The following IFI27L1 variants were observed in gnomAD, a reference collection of about 807,000 sequenced individuals.
IFI27L1 encodes the protein interferon alpha inducible protein 27 like 1.
IFI27L1 carries 3 observed loss-of-function variants against 9.2 expected under a neutral mutation model. That is an observed-to-expected ratio of 0.32 (90% CI 0.15 to 0.84). IFI27L1 has a LOEUF of 0.84. IFI27L1 is among the 40% of genes least tolerant of loss of function. IFI27L1 has a pLI of 0.56. For synonymous variants in IFI27L1, 53 were observed against 50.0 expected, an observed-to-expected ratio of 1.06 and a Z score of -0.26; for missense variants, 133 against 134.2, an observed-to-expected ratio of 0.99 and a Z score of 0.05.
intron 1 of IFI27L1, among the ~76,000 whole-genome samples, chr14:94,086,222 C>T (rs1253214752): frequency 6.6e-6 from 1 of 152,200 alleles, no homozygotes; most frequent in Non-Finnish European, 1.5e-5. Flanking sequence ...TTTTCACCAT[C>T]TCATGTGCCT....
chr14:94,089,988 A>G (rs1886416607), intron 1 of IFI27L1, among the ~76,000 whole-genome samples: 1 of 152,226 alleles, frequency 6.6e-6, no homozygotes, highest in Non-Finnish European at 1.5e-5. Flanking sequence ...AACATTGAGT[A>G]AGCTCATCCT....
At chr14:94,101,710 T>C (rs1886903017) in intron 3 of IFI27L1, 104 bp from the exon 4 acceptor site, 2 of 1,227,246 alleles carry the variant, frequency 1.6e-6, no homozygotes, top group Admixed American at 4.0e-5. Context: ...CAGTCTTTCC[T>C]GAGAGCACAG....
chr14:94,095,580 C>T (rs1442593431), intron 1 of IFI27L1, among the ~76,000 whole-genome samples: 1 of 152,166 alleles, frequency 6.6e-6, no homozygotes, highest in Non-Finnish European at 1.5e-5. Flanking sequence ...GGTGAGGCCT[C>T]AGGAAGCTTT....
chr14:94,085,881 G>A (rs778786669), intron 1 of IFI27L1, among the ~76,000 whole-genome samples: 4 of 152,198 alleles, frequency 2.6e-5, no homozygotes, highest in Non-Finnish European at 5.9e-5. Flanking sequence ...TTTCTTAAAT[G>A]GGAGCCATTT....
At chr14:94,099,142 C>T (rs562951049) in intron 2 of IFI27L1, among the ~76,000 whole-genome samples, 1 of 152,326 alleles carries the variant, frequency 6.6e-6, no homozygotes, top group South Asian at 2.1e-4. Flanking sequence ...GAGGGAGGCA[C>T]TGCTGGAGCA....
At chr14:94,096,787 A>G (rs1886687483) in intron 1 of IFI27L1, 100 bp from the exon 2 acceptor site, 1 of 611,018 alleles carries the variant, frequency 1.6e-6, no homozygotes, top group African/African-American at 1.8e-5. Context: ...TGATAATTCT[A>G]TTTTTAATGT....
intron 1 of IFI27L1, among the ~76,000 whole-genome samples, chr14:94,092,856 T>G (rs187827873): frequency 7.8e-4 from 119 of 152,270 alleles, no homozygotes; most frequent in African/African-American, 2.7e-3. Context: ...TCTCATGAGA[T>G]CTGATGATTT....
intron 1 of IFI27L1, among the ~76,000 whole-genome samples, chr14:94,093,263 T>C (rs886374508): frequency 6.7e-6 from 1 of 149,220 alleles, no homozygotes; most frequent in African/African-American, 2.5e-5. Flanking sequence ...GCCTCCTGGG[T>C]TCACGCCATT....
At chr14:94,092,807 C>G (rs542189972) in intron 1 of IFI27L1, among the ~76,000 whole-genome samples, 6 of 152,278 alleles carry the variant, frequency 3.9e-5, no homozygotes, top group African/African-American at 1.2e-4. Context: ...AATTGAATCA[C>G]CGGGATGATT....
At chr14:94,101,752 T>C in intron 3 of IFI27L1, 62 bp from the exon 4 acceptor site, 4 of 1,562,140 alleles carry the variant, frequency 2.6e-6, no homozygotes, top group Non-Finnish European at 3.5e-6. Context: ...CCCAGGAGGA[T>C]GTCAGGGAAG....
chr14:94,083,274 C>G (rs1043759691), intron 1 of IFI27L1, among the ~76,000 whole-genome samples: 1 of 152,172 alleles, frequency 6.6e-6, no homozygotes, highest in Non-Finnish European at 1.5e-5. Context: ...ATGAACAGTT[C>G]CTTCTAATGT....
In IFI27L1 at chr14:94,102,608, A is replaced by T; in HGVS notation, c.*40A>T. ...CAGGGAGTTGGCTCTCTTGGTGGAG[A>T]TGACTTTCCTGGGCCTCTGGATGAC... On this transcript the variant is annotated 3_prime_UTR_variant, in exon 5 of 5. Transcript: ENST00000555523. 8.1e-7 allele frequency: 1 copy of T among 1,240,152 alleles called. No homozygotes were observed. Among genetic ancestry groups the T allele is most frequent in the Non-Finnish European group, 1.1e-6 (1 of 901,934 alleles). 76.8% of individuals were successfully genotyped at this position (1,240,152 alleles called of 1,614,324 possible).
chr14:94,083,989 G>A (rs1467346205), intron 1 of IFI27L1, among the ~76,000 whole-genome samples: 3 of 152,026 alleles, frequency 2.0e-5, no homozygotes, highest in African/African-American at 7.3e-5. Flanking sequence ...TGGGGGAGGG[G>A]GAGATGTCAA....
At chr14:94,086,184 G>A (rs532756046) in intron 1 of IFI27L1, among the ~76,000 whole-genome samples, 7 of 152,142 alleles carry the variant, frequency 4.6e-5, no homozygotes, top group African/African-American at 1.2e-4. Flanking sequence ...AGTGTGTGGC[G>A]CCTCCCCTCA....
intron 1 of IFI27L1, among the ~76,000 whole-genome samples, chr14:94,096,024 TC>T (rs1264800165): frequency 6.6e-6 from 1 of 152,092 alleles, no homozygotes; most frequent in African/African-American, 2.4e-5. Context: ...AGGGAAGTCT[TC>T]CTGGAGAATA....
intron 2 of IFI27L1, chr14:94,097,421 T>A: frequency 1.7e-6 from 1 of 584,000 alleles, no homozygotes. Flanking sequence ...GAGCCCCTCC[T>A]TGGTGGCCTG....
At chr14:94,082,971 G>A (rs1318677924) in intron 1 of IFI27L1, among the ~76,000 whole-genome samples, 1 of 152,232 alleles carries the variant, frequency 6.6e-6, no homozygotes, top group Middle Eastern at 3.2e-3. Context: ...CTGCCATAGA[G>A]AGTTATTCCT....
At chr14:94,098,736 C>T (rs1338805601) in intron 2 of IFI27L1, among the ~76,000 whole-genome samples, 1 of 152,052 alleles carries the variant, frequency 6.6e-6, no homozygotes, top group Non-Finnish European at 1.5e-5. Flanking sequence ...GGGGAGAAGG[C>T]TTATGGGTAT....
intron 2 of IFI27L1, among the ~76,000 whole-genome samples, chr14:94,097,193 C>A (rs1216257298): frequency 2.0e-5 from 3 of 152,162 alleles, no homozygotes; most frequent in East Asian, 1.9e-4. Context: ...CAAAGGAAGA[C>A]AAAGGTTTTT....
Sources: allele counts gnomAD v4.1 joint callset (sites outside exome capture counted in the v4.1 genomes callset), GRCh38; gene constraint gnomAD v4.1.1; transcripts MANE v1.5; gene names NCBI Gene and HGNC (gene_info 2026-07-23, HGNC 2026-07-21).